Variants in TRPC5 observed in about 807,000 individuals in gnomAD.
The protein encoded by TRPC5 is short transient receptor potential channel 5.
A neutral mutation model predicts 56.5 loss-of-function variants in TRPC5; 9 were observed. The observed-to-expected ratio is 0.16, with a 90% CI of 0.10 to 0.28. TRPC5 has a LOEUF of 0.28. Ranked by LOEUF, TRPC5 falls within the 10% of genes least tolerant of loss-of-function variation. TRPC5 has a pLI of 1.00. For synonymous variants in TRPC5, 282 were observed against 278.5 expected (o/e 1.01, Z -0.13); for missense variants, 469 against 748.9 (o/e 0.63, Z 4.36).
intron 7 of TRPC5, among the ~76,000 whole-genome samples, chrX:111,824,229 C>CAA (rs1173966332): frequency 5.5e-5 from 3 of 54,566 alleles, no homozygotes; most frequent in Non-Finnish European, 8.0e-5. Flanking sequence ...GACCCTGTCT[C>CAA]AAAAAAAAAA....
At chrX:111,831,170 A>G (rs1228251460) in intron 7 of TRPC5, among the ~76,000 whole-genome samples, 2 of 112,180 alleles carry the variant, frequency 1.8e-5, no homozygotes, top group Non-Finnish European at 3.8e-5. Context: ...TACTTGCTGG[A>G]TTGTCGGGAG....
chrX:111,796,659 A>G (rs1354878629), intron 7 of TRPC5, among the ~76,000 whole-genome samples: 2 of 111,967 alleles, frequency 1.8e-5, no homozygotes, highest in Non-Finnish European at 3.8e-5. Flanking sequence ...TAAGGTGCTC[A>G]TGTATTGTGA....
rs990887439 is a variant in TRPC5, at chrX:111,842,449, A to AT, written c.1700+4664dup. 3.6e-3 allele frequency among the ~76,000 whole-genome samples: 401 copies of AT among 111,255 alleles called. 3 individuals are homozygous for AT. Among genetic ancestry groups the AT allele is most frequent in the African/African-American group, 0.012 (358 of 30,435 alleles). The stretch of plus-strand genomic sequence containing the variant: ...CACAGCGCCCAGCCCACTTTCTGTA[A>AT]TTTTTAAAAATTTACACATTTTGGG... On this transcript the variant is annotated intron_variant, in intron 6 of 10. Transcript: ENST00000262839.
At chrX:111,931,068 T>C (rs184966950) in intron 2 of TRPC5, 2 of 111,718 alleles carry the variant, frequency 1.8e-5, no homozygotes, top group African/African-American at 6.5e-5. Context: ...AGTGCAAATG[T>C]CACTTCATCA....
At chrX:111,857,550 T>G (rs1475400321) in intron 3 of TRPC5, among the ~76,000 whole-genome samples, 1 of 112,405 alleles carries the variant, frequency 8.9e-6, no homozygotes, top group Non-Finnish European at 1.9e-5. Flanking sequence ...AATGGAGATA[T>G]CCGGATTGAC....
At chrX:112,004,781 G>A (rs1928790206) in intron 1 of TRPC5, among the ~76,000 whole-genome samples, 1 of 111,460 alleles carries the variant, frequency 9.0e-6, no homozygotes, top group Non-Finnish European at 1.9e-5. Context: ...TGTTGTGTCT[G>A]TGGACTGGGA....
At chrX:111,963,690 C>T (rs1039986050) in intron 1 of TRPC5, among the ~76,000 whole-genome samples, 3 of 111,757 alleles carry the variant, frequency 2.7e-5, no homozygotes, top group Non-Finnish European at 1.9e-5. Context: ...CTACAGCCAC[C>T]GCTGCTGATA....
intron 1 of TRPC5, among the ~76,000 whole-genome samples, chrX:111,954,297 C>T (rs1391461076): frequency 8.9e-6 from 1 of 112,050 alleles, no homozygotes; most frequent in Non-Finnish European, 1.9e-5. Context: ...CTGAGAGCCT[C>T]TATTGTGTCT....
chrX:111,985,268 G>A (rs1402311198), intron 1 of TRPC5, among the ~76,000 whole-genome samples: 1 of 111,923 alleles, frequency 8.9e-6, no homozygotes, highest in African/African-American at 3.2e-5. Context: ...GCATTCTGGA[G>A]CTGGAAAAAT....
intron 1 of TRPC5, among the ~76,000 whole-genome samples, chrX:112,040,524 C>T (rs1403722888): frequency 9.0e-6 from 1 of 111,574 alleles, no homozygotes; most frequent in Non-Finnish European, 1.9e-5. Context: ...TGGAATATGA[C>T]CATTTCCTGC....
At chrX:111,962,673 A>G (rs1207067439) in intron 1 of TRPC5, among the ~76,000 whole-genome samples, 2 of 112,761 alleles carry the variant, frequency 1.8e-5, no homozygotes, top group Non-Finnish European at 3.7e-5. Context: ...AACTTAGTTG[A>G]TAAAACAGTG....
In TRPC5 at chrX:111,873,927, C is replaced by T. The variant is rs186531241; in HGVS notation, c.901-19821G>A. 2.0e-3 allele frequency among the ~76,000 whole-genome samples: 220 copies of T among 112,047 alleles called. 1 individual carries two copies. Among genetic ancestry groups the T allele is most frequent in the African/African-American group, 6.7e-3 (208 of 30,870 alleles). ...CCTGTGTGCTTAATGTAACCAGGAA[C>T]AGTGTGTCCTGTTCTTCCCTGCCCC... On this transcript the variant is annotated intron_variant, in intron 3 of 10. Transcript: ENST00000262839.
intron 1 of TRPC5, among the ~76,000 whole-genome samples, chrX:111,995,057 A>C (rs777685346): frequency 8.9e-6 from 1 of 112,103 alleles, no homozygotes; most frequent in South Asian, 3.7e-4. Context: ...TTCAAAGGGA[A>C]TACTTCTAGT....
At position 111,770,591 on chromosome X, in the gene TRPC5, TG is replaced by T. The variant is rs921704951; in HGVS notation, c.*5721del. Among the ~76,000 whole-genome samples, 2 of 111,878 alleles carry T rather than the reference TG, an allele frequency of 1.8e-5. No individual in the cohort carries two copies. Among genetic ancestry groups the T allele is most frequent in the Non-Finnish European group, 3.8e-5 (2 of 53,188 alleles). On this transcript the variant is annotated 3_prime_UTR_variant, in exon 11 of 11. Transcript: ENST00000262839. Reference sequence around the variant, plus strand: ...GGTGGTTTAGCCCCGTGTTTTAAAGTGTATATCCTCACTCATCCTTACTTCA... The same window carrying T: ...GGTGGTTTAGCCCCGTGTTTTAAAGTTATATCCTCACTCATCCTTACTTCA...
At chrX:111,791,776 G>A (rs1946023080) in intron 7 of TRPC5, among the ~76,000 whole-genome samples, 1 of 112,226 alleles carries the variant, frequency 8.9e-6, no homozygotes. Context: ...ACAGCCTATT[G>A]AAAGCTTGGC....
At chrX:111,923,529 C>A (rs1219799886) in intron 2 of TRPC5, among the ~76,000 whole-genome samples, 1 of 111,782 alleles carries the variant, frequency 8.9e-6, no homozygotes, top group African/African-American at 3.3e-5. Context: ...ATATTTTCTT[C>A]ATAAAATATG....
intron 3 of TRPC5, among the ~76,000 whole-genome samples, chrX:111,881,269 C>T (rs1440510220): frequency 3.6e-5 from 4 of 110,092 alleles, no homozygotes; most frequent in Non-Finnish European, 7.6e-5. Context: ...CTCCACCTCC[C>T]GGGTTCAAGT....
chrX:111,882,445 G>T (rs1319740103), intron 3 of TRPC5, among the ~76,000 whole-genome samples: 3 of 112,449 alleles, frequency 2.7e-5, no homozygotes, highest in Non-Finnish European at 1.9e-5. Flanking sequence ...GAGGAGCTGA[G>T]GGCTAGAGGT....
intron 3 of TRPC5, among the ~76,000 whole-genome samples, chrX:111,854,647 C>T (rs917152502): frequency 2.7e-5 from 3 of 112,081 alleles, no homozygotes; most frequent in Non-Finnish European, 5.6e-5. Context: ...TACGTGAGGT[C>T]ATCATCAATG....
Sources: allele counts gnomAD v4.1 joint callset (sites outside exome capture counted in the v4.1 genomes callset), GRCh38; gene constraint gnomAD v4.1.1; transcripts MANE v1.5; gene names NCBI Gene and HGNC (gene_info 2026-07-23, HGNC 2026-07-21).